The following OR51B5 variants were observed in gnomAD, a reference collection of about 807,000 sequenced individuals.
The protein encoded by OR51B5 is olfactory receptor family 51 subfamily B member 5.
For missense variants in OR51B5, 456 were observed against 374.6 expected (o/e 1.22, Z -1.79); for synonymous variants, 186 against 144.8 (o/e 1.28, Z -2.04).
At chr11:5,343,236 A>C in exon 1 of OR51B5, 1 of 1,613,316 alleles carries the variant, frequency 6.2e-7, no homozygotes, top group South Asian at 1.1e-5. Context: ...TAGGCCTGGG[A>C]AAAGCAGGCC....
At chr11:5,474,935 C>A (rs1032689786) in intron 1 of OR51B5, among the ~76,000 whole-genome samples, 16 of 152,236 alleles carry the variant, frequency 1.1e-4, no homozygotes, top group African/African-American at 3.9e-4. Context: ...CTAAAATAAT[C>A]TGGAAAATTA....
intron 1 of OR51B5, among the ~76,000 whole-genome samples, chr11:5,473,060 C>A (rs1002678284): frequency 1.3e-5 from 2 of 152,174 alleles, no homozygotes; most frequent in African/African-American, 4.8e-5. Flanking sequence ...AAATGAATGT[C>A]ATTAAGAAAA....
At chr11:5,429,753 G>A (rs1432210572) in intron 1 of OR51B5, among the ~76,000 whole-genome samples, 1 of 152,068 alleles carries the variant, frequency 6.6e-6, no homozygotes, top group Non-Finnish European at 1.5e-5. Flanking sequence ...AAGGAAGGGA[G>A]GAAATAGAAA....
At chr11:5,465,917 A>G (rs1851132960) in intron 1 of OR51B5, among the ~76,000 whole-genome samples, 1 of 151,470 alleles carries the variant, frequency 6.6e-6, no homozygotes, top group African/African-American at 2.4e-5. Flanking sequence ...TCATGTCCAA[A>G]ACACCAAAAG....
chr11:5,437,207 G>A (rs1850606407), intron 1 of OR51B5, among the ~76,000 whole-genome samples: 1 of 152,086 alleles, frequency 6.6e-6, no homozygotes, highest in South Asian at 2.1e-4. Flanking sequence ...AAACTTCATA[G>A]CAACACCCCC....
intron 1 of OR51B5, among the ~76,000 whole-genome samples, chr11:5,406,792 C>G (rs1460762252): frequency 2.6e-5 from 4 of 151,938 alleles, no homozygotes; most frequent in Admixed American, 2.6e-4. Flanking sequence ...GAGAAGTGAG[C>G]CTGATATTTA....
intron 1 of OR51B5, chr11:5,440,579 G>C: frequency 6.2e-7 from 1 of 1,612,272 alleles, no homozygotes; most frequent in Non-Finnish European, 8.5e-7. Context: ...CTCAGGCCTG[G>C]GATTTATGGA....
At chr11:5,403,582 G>A in intron 1 of OR51B5, 1 of 453,178 alleles carries the variant, frequency 2.2e-6, no homozygotes, top group Non-Finnish European at 4.6e-6. Context: ...GTTTTTGTTT[G>A]TTTGCTTGCT....
intron 1 of OR51B5, among the ~76,000 whole-genome samples, chr11:5,417,666 T>C (rs1423791956): frequency 6.6e-6 from 1 of 151,100 alleles, no homozygotes; most frequent in Non-Finnish European, 1.5e-5. Context: ...AAAAAACACA[T>C]GAAAAAATGT....
chr11:5,429,093 C>T (rs1327415712), intron 1 of OR51B5, among the ~76,000 whole-genome samples: 1 of 152,158 alleles, frequency 6.6e-6, no homozygotes, highest in African/African-American at 2.4e-5. Context: ...TCTGCACCCA[C>T]CACACACAGA....
In OR51B5 at chr11:5,342,793, GC is replaced by G. The variant is rs1848917249; in HGVS notation, c.731del (p.Cys244SerfsTer10). On this transcript the variant is annotated frameshift_variant, in exon 1 of 1. Transcript: ENST00000300773. LOFTEE classifies it low-confidence loss of function (END_TRUNC). ...CTGTGACATAAAAAACCAGGACACA[GC>G]AGATATGGGAGACACAGGTAATGAG... 1.2e-6 allele frequency: 2 copies of G among 1,613,474 alleles called. No individual in the cohort carries two copies. Among genetic ancestry groups the G allele is most frequent in the African/African-American group, 2.7e-5 (2 of 74,884 alleles).
Position 5,342,643 on chromosome 11 carries a change from G to A in OR51B5, c.882C>T (p.Thr294=), listed in dbSNP as rs143394874. The stretch of plus-strand genomic sequence containing the variant: ...GAAGAATGGCATTCTGAATCTGCTT[G>A]GTCTTGACACTATATGTTATAGGAT... The change falls in exon 1 of 1, where the codon ACC becomes ACT. Residue 294 remains threonine, a synonymous_variant. Coordinates refer to ENST00000300773, the Ensembl canonical transcript of OR51B5. 1.4e-4 allele frequency: 226 copies of A among 1,610,186 alleles called. 2 individuals carry two copies. The East Asian group carries it at 4.5e-3, about 32-fold the overall frequency.
chr11:5,373,403 C>T (rs2133709061), intron 1 of OR51B5, among the ~76,000 whole-genome samples: 1 of 152,310 alleles, frequency 6.6e-6, no homozygotes, highest in South Asian at 2.1e-4. Context: ...GTGAACAACA[C>T]AGAAGACGGG....
chr11:5,375,061 A>C (rs905860865), intron 1 of OR51B5, among the ~76,000 whole-genome samples: 2 of 151,330 alleles, frequency 1.3e-5, no homozygotes, highest in Non-Finnish European at 2.9e-5. Context: ...ATGAAGGAAA[A>C]AATGTTAAGG....
chr11:5,454,282 G>A, intron 1 of OR51B5: 1 of 1,614,112 alleles, frequency 6.2e-7, no homozygotes, highest in Non-Finnish European at 8.5e-7. Context: ...CACCGCTTTG[G>A]GAAGCATGTC....
At chr11:5,489,476 C>G in intron 1 of OR51B5, 3 of 1,614,060 alleles carry the variant, frequency 1.9e-6, no homozygotes, top group Non-Finnish European at 2.5e-6. Flanking sequence ...TTCTACATCC[C>G]TGCCTTCTTC....
At chr11:5,400,162 C>G (rs1328367895) in intron 1 of OR51B5, among the ~76,000 whole-genome samples, 1 of 152,142 alleles carries the variant, frequency 6.6e-6, no homozygotes, top group Non-Finnish European at 1.5e-5. Flanking sequence ...CTGAATTTCC[C>G]TGCCCTACAT....
chr11:5,351,745 C>G (rs746693331), intron 1 of OR51B5: 3 of 1,613,828 alleles, frequency 1.9e-6, no homozygotes, highest in African/African-American at 2.7e-5. Context: ...GCCCACAGTG[C>G]TAGGTGTTCT....
intron 1 of OR51B5, among the ~76,000 whole-genome samples, chr11:5,478,695 C>G (rs1344545891): frequency 6.6e-6 from 1 of 151,504 alleles, no homozygotes; most frequent in Non-Finnish European, 1.5e-5. Flanking sequence ...AACCAAGGCT[C>G]AAGAACTACG....
Sources: allele counts gnomAD v4.1 joint callset (sites outside exome capture counted in the v4.1 genomes callset), GRCh38; gene constraint gnomAD v4.1.1; transcripts MANE v1.5; gene names NCBI Gene and HGNC (gene_info 2026-07-23, HGNC 2026-07-21).